RAB21: variants seen among roughly 807,000 people sequenced by gnomAD.
RAB21 encodes ras-related protein Rab-21.
Under a neutral mutation model 33.1 loss-of-function variants are expected in RAB21, and 13 were observed. The ratio of observed to expected loss-of-function variants is 0.39; its 90% CI spans 0.26 to 0.62. RAB21 has a LOEUF of 0.62. Ranked by LOEUF, RAB21 falls within the 20% of genes least tolerant of loss-of-function variation. The probability of loss-of-function intolerance (pLI) is 0.48; values close to 1 mark genes in which losing one functional copy is unlikely to be tolerated. For synonymous variants in RAB21, 91 were observed against 103.7 expected (o/e 0.88, Z 0.74); for missense variants, 234 against 279.1 (o/e 0.84, Z 1.15).
intron 3 of RAB21, among the ~76,000 whole-genome samples, chr12:71,773,274 C>T (rs1883070108): frequency 6.6e-6 from 1 of 152,226 alleles, no homozygotes; most frequent in Non-Finnish European, 1.5e-5. Flanking sequence ...CATTGGTTCT[C>T]TACCGGGGAT....
In RAB21 at chr12:71,787,544, GC is replaced by G. The variant is rs1434834408; in HGVS notation, c.*1873del. ...AGATTATAGTTACAAAAGAAATACT[GC>G]CATATTTTTAAGTTAATAACTTAAA... On this transcript the variant is annotated 3_prime_UTR_variant, in exon 7 of 7. Transcript: ENST00000261263. 1 of 152,092 alleles carries G rather than the reference GC, an allele frequency of 6.6e-6. No individual in the cohort carries two copies. Among genetic ancestry groups the G allele is most frequent in the Non-Finnish European group, 1.5e-5 (1 of 68,008 alleles). 9.4% of individuals were successfully genotyped at this position (152,092 alleles called of 1,614,324 possible). A position where few individuals can be genotyped will look rare whatever the true frequency, so the allele number is the denominator to read the frequency against.
Position 71,785,828 on chromosome 12 carries a change from G to C in RAB21, c.*155G>C. The stretch of plus-strand genomic sequence containing the variant: ...GTTTATAACACTGCAGAGACCTTAA[G>C]TGCTAAACTTAGTGGAGTTTGTGAC... On this transcript the variant is annotated 3_prime_UTR_variant, in exon 7 of 7. Coordinates refer to ENST00000261263, the MANE Select transcript of RAB21 (RefSeq NM_014999.4). The C allele has an allele frequency of 1.3e-6, 1 of 746,052 alleles. No homozygotes were observed. Among genetic ancestry groups the C allele is most frequent in the South Asian group, 2.6e-5 (1 of 38,602 alleles). 46.2% of individuals were successfully genotyped at this position (746,052 alleles called of 1,614,324 possible). A position where few individuals can be genotyped will look rare whatever the true frequency, so the allele number is the denominator to read the frequency against.
At chr12:71,781,431 T>G (rs1883198407) in intron 4 of RAB21, among the ~76,000 whole-genome samples, 1 of 150,042 alleles carries the variant, frequency 6.7e-6, no homozygotes, top group Admixed American at 6.6e-5. Context: ...ATGGCGCCAC[T>G]GCACTCCAGC....
chr12:71,778,680 A>G (rs1334134409), intron 4 of RAB21, among the ~76,000 whole-genome samples: 1 of 152,240 alleles, frequency 6.6e-6, no homozygotes, highest in Admixed American at 6.5e-5. Context: ...ACAAGCTACT[A>G]TTATATGTTA....
Position 71,788,518 on chromosome 12 carries a change from C to T in RAB21, c.*2845C>T, listed in dbSNP as rs1265613906. ...CTTCAGTATATATACAAAGGAAAGA[C>T]AAAGAGATGATAAACCAAGGCTGAG... On this transcript the variant is annotated 3_prime_UTR_variant, in exon 7 of 7. Transcript: ENST00000261263. 1 of 152,090 alleles carries T rather than the reference C, an allele frequency of 6.6e-6. No homozygotes were observed. The highest frequency in any genetic ancestry group is 6.6e-5 in the Admixed American group (1 of 15,260). The allele number at this position is 152,090 out of a possible 1,614,324, so 9.4% of individuals were successfully genotyped here.
rs767812013 is a variant in RAB21 at position 71,755,207 on chromosome 12, G to A, written c.78G>A (p.Gly26=). ...ACTCGTTCAAGGTGGTGCTGCTGGG[G>A]GAAGGCTGCGTGGGGAAGACGTCGC... The part of the protein sequence containing the change: ...RAYSFKVVLL[G]EGCVGKTSLV... Residue 26 remains glycine (G), a synonymous_variant, in exon 1 of 7, where the codon GGG becomes GGA. Transcript: ENST00000261263. 1.4e-5 allele frequency: 22 copies of A among 1,539,032 alleles called. No homozygotes were observed. Among genetic ancestry groups the A allele is most frequent in the Non-Finnish European group, 1.8e-5 (21 of 1,147,456 alleles).
chr12:71,755,525 C>A (rs1592640555), intron 1 of RAB21, among the ~76,000 whole-genome samples: 1 of 152,210 alleles, frequency 6.6e-6, no homozygotes, highest in Non-Finnish European at 1.5e-5. Context: ...CCCCAGTGTT[C>A]CCCGTGGTGG....
Position 71,798,828 on chromosome 12 carries a change from T to C in RAB21, c.*13155T>C, listed in dbSNP as rs1263421318. 6.6e-6 allele frequency: 1 copy of C among 152,212 alleles called. No individual in the cohort carries two copies. The highest frequency in any genetic ancestry group is 1.5e-5 in the Non-Finnish European group (1 of 68,032). 9.4% of individuals were successfully genotyped at this position (152,212 alleles called of 1,614,324 possible). ...AGGATGACAGTGAATTCTGAATTTA[T>C]TTACCCAATGTACTCTTCAAGTTGC... On this transcript the variant is annotated 3_prime_UTR_variant, in exon 7 of 7. Transcript: ENST00000261263.
intron 3 of RAB21, among the ~76,000 whole-genome samples, chr12:71,773,413 T>C (rs1485408770): frequency 1.3e-5 from 2 of 152,256 alleles, no homozygotes; most frequent in East Asian, 3.8e-4. Flanking sequence ...GAATTATCTG[T>C]ACTAAAATGT....
chr12:71,760,726 T>TC (rs1219256081), intron 1 of RAB21, among the ~76,000 whole-genome samples: 1 of 151,748 alleles, frequency 6.6e-6, no homozygotes, highest in Non-Finnish European at 1.5e-5. Context: ...CCTTTTTTTT[T>TC]CCCTTATTGA....
chr12:71,779,210 A>T (rs1447555661), intron 4 of RAB21, among the ~76,000 whole-genome samples: 1 of 152,146 alleles, frequency 6.6e-6, no homozygotes, highest in African/African-American at 2.4e-5. Flanking sequence ...CTTTAATCCG[A>T]GCATTTAGGG....
intron 4 of RAB21, among the ~76,000 whole-genome samples, chr12:71,780,476 A>T (rs1333934588): frequency 3.3e-5 from 5 of 152,218 alleles, no homozygotes; most frequent in Non-Finnish European, 7.3e-5. Context: ...AGACATTGTC[A>T]TATTTAGCTA....
rs1386422457 is a variant in RAB21, at chr12:71,789,332, G to A, written c.*3659G>A. Reference sequence around the variant, plus strand: ...TTAATTATATAATTTGCAATTTTCTGTATTATAAGTGCTACCAGGATTCTA... The same window carrying A: ...TTAATTATATAATTTGCAATTTTCTATATTATAAGTGCTACCAGGATTCTA... On this transcript the variant is annotated 3_prime_UTR_variant, in exon 7 of 7. Coordinates refer to ENST00000261263, the MANE Select transcript of RAB21 (RefSeq NM_014999.4). The A allele has an allele frequency of 6.6e-6, 1 of 151,910 alleles. No individual in the cohort carries two copies. The highest frequency in any genetic ancestry group is 1.5e-5 in the Non-Finnish European group (1 of 67,926). 9.4% of individuals were successfully genotyped at this position (151,910 alleles called of 1,614,324 possible).
chr12:71,769,773 TTGTTTAA>T lies in RAB21; in HGVS notation c.160-20_160-14del. The T allele has an allele frequency of 4.3e-6, 5 of 1,169,906 alleles. No homozygotes were observed. The highest frequency in any genetic ancestry group is 5.9e-6 in the Non-Finnish European group (5 of 849,418). 72.5% of individuals were successfully genotyped at this position (1,169,906 alleles called of 1,614,324 possible). On this transcript the variant is annotated intron_variant, in intron 1 of 6. Transcript: ENST00000261263. ...AAAGAACCTTATTTTATAAGAAACA[TTGTTTAA>T]TGTTTATTTCTCTTTTTAGGCATCA... is the stretch of plus-strand genomic sequence containing the variant.
At chr12:71,776,555 T>A (rs1883122485) in intron 4 of RAB21, among the ~76,000 whole-genome samples, 1 of 152,074 alleles carries the variant, frequency 6.6e-6, no homozygotes, top group Admixed American at 6.6e-5. Flanking sequence ...CATTTAATAT[T>A]ATATAATGTT....
In RAB21 at chr12:71,799,101, C is replaced by G. The variant is rs1433029841; in HGVS notation, c.*13428C>G. ...GGATAGGCTGTGGTGGTGGCAGCAG[C>G]TTCTTAATCTGACATTCCAACCCCT... On this transcript the variant is annotated 3_prime_UTR_variant, in exon 7 of 7. Transcript: ENST00000261263. 2 of 152,282 alleles carry G rather than the reference C, an allele frequency of 1.3e-5. No homozygotes were observed. Among genetic ancestry groups the G allele is most frequent in the Non-Finnish European group, 2.9e-5 (2 of 68,080 alleles). The allele number at this position is 152,282 out of a possible 1,614,324, so 9.4% of individuals were successfully genotyped here.
At position 71,787,254 on chromosome 12, in the gene RAB21, A is replaced by T. The variant is rs1883308714; in HGVS notation, c.*1581A>T. The T allele has an allele frequency of 6.6e-6, 1 of 152,182 alleles. No individual in the cohort carries two copies. The highest frequency in any genetic ancestry group is 1.5e-5 in the Non-Finnish European group (1 of 68,022). 9.4% of individuals were successfully genotyped at this position (152,182 alleles called of 1,614,324 possible). ...ATACTTTATAAATTAGTCCCTCATT[A>T]GATTTTTTTTTCTTAAGCATAAGAC... On this transcript the variant is annotated 3_prime_UTR_variant, in exon 7 of 7. Transcript: ENST00000261263.
chr12:71,780,705 G>A (rs1001546983), intron 4 of RAB21, among the ~76,000 whole-genome samples: 1 of 152,130 alleles, frequency 6.6e-6, no homozygotes, highest in Non-Finnish European at 1.5e-5. Flanking sequence ...ATTATTCGAG[G>A]TCCTCAGTAT....
rs1409211168 is a variant in RAB21 at position 71,791,979 on chromosome 12, C to T, written c.*6306C>T. 1 of 152,216 alleles carries T rather than the reference C, an allele frequency of 6.6e-6. No individual in the cohort carries two copies. Among genetic ancestry groups the T allele is most frequent in the Non-Finnish European group, 1.5e-5 (1 of 68,060 alleles). 9.4% of individuals were successfully genotyped at this position (152,216 alleles called of 1,614,324 possible). On this transcript the variant is annotated 3_prime_UTR_variant, in exon 7 of 7. Coordinates refer to ENST00000261263, the MANE Select transcript of RAB21 (RefSeq NM_014999.4). ...TCCTGGGCTTAAGCAATCCTCCCAC[C>T]TCAGACTTCGAAGTAGCTGGTATTA...
Sources: gnomAD v4.1 joint callset for allele counts (sites outside exome capture counted in the v4.1 genomes callset) on GRCh38, gnomAD v4.1.1 for gene constraint, MANE v1.5 for transcripts, NCBI Gene and HGNC (gene_info 2026-07-23, HGNC 2026-07-21) for gene names.